The following PHF20 variants were observed in gnomAD, a reference collection of about 807,000 sequenced individuals.
The protein encoded by PHF20 is PHD finger protein 20.
PHF20 carries 23 observed loss-of-function variants against 113.5 expected under a neutral mutation model. The ratio of observed to expected loss-of-function variants is 0.20; its 90% CI spans 0.15 to 0.29. The LOEUF (loss-of-function observed/expected upper bound fraction) is 0.29. Ranked by LOEUF, PHF20 falls within the 10% of genes least tolerant of loss-of-function variation. The pLI is 1.00. For missense variants in PHF20, 943 were observed against 1,219.6 expected, an observed-to-expected ratio of 0.77 and a Z score of 3.38; for synonymous variants, 434 against 457.3, an observed-to-expected ratio of 0.95 and a Z score of 0.65.
intron 3 of PHF20, among the ~76,000 whole-genome samples, chr20:35,843,865 C>T (rs908171552): frequency 3.3e-5 from 5 of 152,076 alleles, no homozygotes; most frequent in African/African-American, 7.2e-5. Flanking sequence ...GGTGTAAGCT[C>T]GTCCTGCAGA....
intron 6 of PHF20, among the ~76,000 whole-genome samples, chr20:35,866,278 G>T (rs2146979910): frequency 6.6e-6 from 1 of 152,212 alleles, no homozygotes; most frequent in East Asian, 1.9e-4. Flanking sequence ...ATTTCTGTTG[G>T]ACAGCACTGA....
At chr20:35,824,839 A>G (rs1600788400) in intron 2 of PHF20, among the ~76,000 whole-genome samples, 1 of 152,172 alleles carries the variant, frequency 6.6e-6, no homozygotes, top group South Asian at 2.1e-4. Context: ...TGGACATTTC[A>G]TAGATATGGA....
intron 2 of PHF20, among the ~76,000 whole-genome samples, chr20:35,825,111 T>A (rs946855477): frequency 6.6e-6 from 1 of 152,208 alleles, no homozygotes; most frequent in Non-Finnish European, 1.5e-5. Flanking sequence ...TAATTCTGTT[T>A]AACCTTTTGA....
chr20:35,937,468 C>CAAA (rs910713509), intron 15 of PHF20, among the ~76,000 whole-genome samples: 2 of 97,202 alleles, frequency 2.1e-5, no homozygotes, highest in African/African-American at 7.9e-5. Flanking sequence ...AACTCCGTCT[C>CAAA]AAAAAAAAAA....
chr20:35,819,316 A>G (rs1171653670), intron 2 of PHF20, among the ~76,000 whole-genome samples: 1 of 151,976 alleles, frequency 6.6e-6, no homozygotes, highest in Non-Finnish European at 1.5e-5. Flanking sequence ...CTTGGTGGAT[A>G]GAATAGAATC....
At chr20:35,802,006 T>A (rs2041789721) in intron 2 of PHF20, 1 of 159,042 alleles carries the variant, frequency 6.3e-6, no homozygotes, top group South Asian at 1.8e-4. Flanking sequence ...CCCATCCTAT[T>A]TTCTGGGCAT....
intron 2 of PHF20, among the ~76,000 whole-genome samples, chr20:35,812,205 C>T (rs538777256): frequency 6.6e-6 from 1 of 152,294 alleles, no homozygotes; most frequent in African/African-American, 2.4e-5. Flanking sequence ...TTTATAATAT[C>T]TAATATCCAG....
chr20:35,779,454 A>G (rs1318437721), intron 1 of PHF20, among the ~76,000 whole-genome samples: 1 of 151,748 alleles, frequency 6.6e-6, no homozygotes, highest in African/African-American at 2.4e-5. Context: ...CCTAGTAGAG[A>G]CCTGATTTTC....
intron 16 of PHF20, among the ~76,000 whole-genome samples, chr20:35,939,358 G>T (rs970548118): frequency 1.3e-5 from 2 of 152,090 alleles, no homozygotes; most frequent in African/African-American, 4.8e-5. Context: ...GGGGGCGCGG[G>T]TGCAGAGGGA....
intron 1 of PHF20, among the ~76,000 whole-genome samples, chr20:35,772,367 C>T (rs1412799013): frequency 6.6e-6 from 1 of 151,672 alleles, no homozygotes; most frequent in Non-Finnish European, 1.5e-5. Context: ...CCGTGGGGTG[C>T]GGGCCCGGGG....
At chr20:35,822,447 A>G (rs1447693278) in intron 2 of PHF20, among the ~76,000 whole-genome samples, 2 of 151,876 alleles carry the variant, frequency 1.3e-5, no homozygotes, top group African/African-American at 4.8e-5. Flanking sequence ...AAAAAAAGTA[A>G]AGGAATTTGG....
chr20:35,863,608 A>G (rs533619493), intron 6 of PHF20, among the ~76,000 whole-genome samples: 1 of 152,346 alleles, frequency 6.6e-6, no homozygotes, highest in African/African-American at 2.4e-5. Flanking sequence ...GCATGTTCAT[A>G]ACTGAGTTTG....
intron 1 of PHF20, among the ~76,000 whole-genome samples, chr20:35,773,429 A>G (rs1160433769): frequency 6.6e-6 from 1 of 152,026 alleles, no homozygotes; most frequent in East Asian, 1.9e-4. Context: ...GCGAGTGCGT[A>G]TCTTTGTTCA....
At chr20:35,937,223 C>T (rs987580618) in intron 15 of PHF20, among the ~76,000 whole-genome samples, 1 of 152,064 alleles carries the variant, frequency 6.6e-6, no homozygotes, top group Non-Finnish European at 1.5e-5. Context: ...GCTCCCAGCA[C>T]TTTGGGAGGT....
At chr20:35,793,148 T>G (rs987107689) in intron 1 of PHF20, among the ~76,000 whole-genome samples, 1 of 152,120 alleles carries the variant, frequency 6.6e-6, no homozygotes. Flanking sequence ...CTCAACCTTC[T>G]AGGTTCAAGC....
intron 2 of PHF20, 21 bp from the exon 3 acceptor site, chr20:35,842,552 A>G: frequency 1.6e-6 from 2 of 1,240,814 alleles, no homozygotes; most frequent in East Asian, 2.9e-5. Context: ...AGGAATGCCA[A>G]TTTTTTTTTT....
Position 35,873,571 on chromosome 20 carries a change from C to T in PHF20, c.1282+1742C>T, listed in dbSNP as rs181090468. On this transcript the variant is annotated intron_variant, in intron 9 of 17. Coordinates refer to ENST00000374012, the MANE Select transcript of PHF20 (RefSeq NM_016436.5). ...GCAACGTCTGCCTCCCGGGTTGAAG[C>T]GATTCATCTGCTTCAGCCTCCTGAG... 2.5e-4 allele frequency among the ~76,000 whole-genome samples: 37 copies of T among 148,960 alleles called. No homozygotes were observed. The East Asian group carries it at 6.9e-3, about 28-fold the overall frequency.
intron 6 of PHF20, among the ~76,000 whole-genome samples, chr20:35,865,497 GTTTTTTTTTT>G (rs201623482): frequency 1.0e-5 from 1 of 96,608 alleles, no homozygotes; most frequent in East Asian, 3.2e-4. Context: ...TTTAAGTTGT[GTTTTTTTTTT>G]TTTTTTTTTT....
At chr20:35,896,558 TC>T (rs1001334449) in intron 9 of PHF20, among the ~76,000 whole-genome samples, 4 of 151,594 alleles carry the variant, frequency 2.6e-5, no homozygotes, top group African/African-American at 9.7e-5. Flanking sequence ...CACCTGTAAT[TC>T]CAGCACTCTG....
Sources: gnomAD v4.1 joint callset for allele counts (sites outside exome capture counted in the v4.1 genomes callset) on GRCh38, gnomAD v4.1.1 for gene constraint, MANE v1.5 for transcripts, NCBI Gene and HGNC (gene_info 2026-07-23, HGNC 2026-07-21) for gene names.